Variants in ANO2 observed in about 807,000 individuals in gnomAD.
The protein encoded by ANO2 is anoctamin 2, also known as anoctamin-2.
Under a neutral mutation model 124.2 loss-of-function variants are expected in ANO2, and 101 were observed. The ratio of observed to expected loss-of-function variants is 0.81; its 90% CI spans 0.69 to 0.96. The LOEUF is 0.96. ANO2 is among the 40% of genes least tolerant of loss of function. The probability of loss-of-function intolerance (pLI) is 0.00; values close to 1 mark genes in which losing one functional copy is unlikely to be tolerated. For missense variants in ANO2, 1,293 were observed against 1,274.5 expected, an observed-to-expected ratio of 1.01 and a Z score of -0.22; for synonymous variants, 486 against 482.5, an observed-to-expected ratio of 1.01 and a Z score of -0.09.
chr12:5,918,873 C>T (rs569684207), intron 3 of ANO2, among the ~76,000 whole-genome samples: 66 of 152,252 alleles, frequency 4.3e-4, no homozygotes, highest in African/African-American at 1.5e-3. Context: ...ATTTTCATTG[C>T]TCCATCTAAT....
At chr12:5,837,436 C>T (rs1418418558) in intron 4 of ANO2, among the ~76,000 whole-genome samples, 7 of 147,664 alleles carry the variant, frequency 4.7e-5, no homozygotes, top group Non-Finnish European at 7.4e-5. Flanking sequence ...ACTAACTCGT[C>T]ATCTAGCATT....
At chr12:5,667,602 A>C (rs1455830710) in intron 14 of ANO2, among the ~76,000 whole-genome samples, 2 of 152,186 alleles carry the variant, frequency 1.3e-5, no homozygotes, top group Non-Finnish European at 2.9e-5. Context: ...TTTGTTACAT[A>C]GGTAAACGTG....
intron 10 of ANO2, among the ~76,000 whole-genome samples, chr12:5,764,625 T>A (rs2137111801): frequency 6.6e-6 from 1 of 152,308 alleles, no homozygotes; most frequent in East Asian, 1.9e-4. Context: ...GCAAATTTGT[T>A]AATTGGACAG....
At chr12:5,587,879 C>A (rs1177609830) in intron 20 of ANO2, among the ~76,000 whole-genome samples, 1 of 152,160 alleles carries the variant, frequency 6.6e-6, no homozygotes, top group Non-Finnish European at 1.5e-5. Flanking sequence ...TCCCCCAAGC[C>A]TGCTGGGCCC....
At chr12:5,691,842 C>A (rs900426908) in intron 14 of ANO2, among the ~76,000 whole-genome samples, 2 of 151,520 alleles carry the variant, frequency 1.3e-5, no homozygotes, top group Non-Finnish European at 2.9e-5. Flanking sequence ...GCAGAGCCTG[C>A]GGTGGGCCGA....
In ANO2 at chr12:5,799,520, T is replaced by C. The variant is rs761691218; in HGVS notation, c.1042A>G (p.Ile348Val). ...ACCACCTCTTACCTGATGAGGTCAA[T>C]AGGTTGGAACTTATAGAACACTCCA... Reference protein sequence around the residue: ...RYGVFYKFQPIDLIRKYFGEK... With the variant: ...RYGVFYKFQPVDLIRKYFGEK... Residue 348 changes from isoleucine to valine, a missense_variant, in exon 10 of 25, where the codon ATT (isoleucine) becomes GTT (valine). Physicochemically the swap from Ile to Val is conservative, Grantham distance 29. Transcript: ENST00000682330. The C allele has an allele frequency of 2.3e-5, 37 of 1,613,758 alleles. No individual in the cohort carries two copies. The highest frequency in any genetic ancestry group is 3.1e-5 in the Non-Finnish European group (36 of 1,179,824).
chr12:5,938,843 A>G (rs1050309227), intron 1 of ANO2, among the ~76,000 whole-genome samples: 1 of 151,944 alleles, frequency 6.6e-6, no homozygotes, highest in Non-Finnish European at 1.5e-5. Context: ...AAAAAACAAG[A>G]TAAGCTAAGA....
chr12:5,678,449 C>T (rs1948348674), intron 14 of ANO2, among the ~76,000 whole-genome samples: 1 of 152,124 alleles, frequency 6.6e-6, no homozygotes, highest in African/African-American at 2.4e-5. Context: ...GGTTAGGAAG[C>T]CAAATTCTCG....
intron 10 of ANO2, among the ~76,000 whole-genome samples, chr12:5,760,053 C>T (rs901254732): frequency 1.4e-4 from 21 of 152,194 alleles, no homozygotes; most frequent in African/African-American, 5.1e-4. Context: ...AGGCAATTCA[C>T]TACTTAAAGT....
chr12:5,664,930 A>G (rs1947624692), intron 14 of ANO2, among the ~76,000 whole-genome samples: 1 of 152,200 alleles, frequency 6.6e-6, no homozygotes, highest in Admixed American at 6.5e-5. Context: ...GTGGCAAAAT[A>G]CCCAATTCCT....
chr12:5,694,251 C>CAGAGAGAGAGAG (rs5796182), intron 14 of ANO2, among the ~76,000 whole-genome samples: 6,644 of 133,796 alleles, frequency 0.05, 222 homozygotes, highest in East Asian at 0.062. Flanking sequence ...TTACCAGAGA[C>CAGAGAGAGAGAG]AGAGAGAGAG....
At chr12:5,572,812 T>G (rs1373872838) in intron 23 of ANO2, among the ~76,000 whole-genome samples, 1 of 152,204 alleles carries the variant, frequency 6.6e-6, no homozygotes, top group Non-Finnish European at 1.5e-5. Context: ...AAGTGCACTT[T>G]CTATGCATGT....
At chr12:5,788,702 G>T (rs1253231421) in intron 10 of ANO2, among the ~76,000 whole-genome samples, 1 of 152,100 alleles carries the variant, frequency 6.6e-6, no homozygotes, top group East Asian at 1.9e-4. Context: ...GGGATTACAG[G>T]CACCCGCCAC....
intron 11 of ANO2, among the ~76,000 whole-genome samples, chr12:5,749,203 G>GT (rs986328373): frequency 2.0e-5 from 3 of 152,140 alleles, no homozygotes; most frequent in East Asian, 1.9e-4. Flanking sequence ...ACAGTTTCTG[G>GT]TTTTTTCTTC....
intron 19 of ANO2, among the ~76,000 whole-genome samples, chr12:5,609,837 A>G (rs959784463): frequency 3.3e-5 from 5 of 150,990 alleles, no homozygotes; most frequent in Admixed American, 1.3e-4. Context: ...TTTGTGATAA[A>G]CCAGAATTAG....
chr12:5,623,125 C>T (rs1355849609), intron 16 of ANO2, among the ~76,000 whole-genome samples: 1 of 152,122 alleles, frequency 6.6e-6, no homozygotes, highest in African/African-American at 2.4e-5. Context: ...ATAAGACAGA[C>T]TTCTGGAGGG....
At position 5,612,103 on chromosome 12, in the gene ANO2, G is replaced by A. The variant is rs1311822751; in HGVS notation, c.2087+553C>T. On this transcript the variant is annotated intron_variant, in intron 19 of 24. Coordinates refer to ENST00000682330, the MANE Select transcript of ANO2 (RefSeq NM_001364791.2). ...TTTAGGTCCAGTATAAAGTGAGTCC[G>A]TGTTTATTTTCATGACTATCTAAAT... is the stretch of plus-strand genomic sequence containing the variant. Among the ~76,000 whole-genome samples the A allele has an allele frequency of 3.9e-5, 6 of 152,294 alleles. No individual in the cohort carries two copies. The South Asian group carries it at 8.3e-4, about 21-fold the overall frequency.
chr12:5,793,332 G>A (rs928039614), intron 10 of ANO2, among the ~76,000 whole-genome samples: 2 of 152,074 alleles, frequency 1.3e-5, no homozygotes, highest in Non-Finnish European at 2.9e-5. Flanking sequence ...AGATGAATAT[G>A]CCGCAAGAAA....
chr12:5,788,839 G>T (rs532133003), intron 10 of ANO2, among the ~76,000 whole-genome samples: 55 of 152,290 alleles, frequency 3.6e-4, no homozygotes, highest in Non-Finnish European at 5.7e-4. Flanking sequence ...GATTACAGGC[G>T]TGAGCCACCA....
Sources: allele counts gnomAD v4.1 joint callset (sites outside exome capture counted in the v4.1 genomes callset), GRCh38; gene constraint gnomAD v4.1.1; transcripts MANE v1.5; gene names NCBI Gene and HGNC (gene_info 2026-07-23, HGNC 2026-07-21).